Variants in UVRAG observed in about 807,000 individuals in gnomAD.
UVRAG encodes the protein UV radiation resistance-associated gene protein.
In UVRAG, 19 loss-of-function variants were observed where a neutral mutation model predicts 78.0. The ratio of observed to expected loss-of-function variants is 0.24; its 90% confidence interval spans 0.17 to 0.36. The LOEUF is 0.36. Ranked by LOEUF, UVRAG falls within the 10% of genes least tolerant of loss-of-function variation. The pLI is 1.00. For synonymous variants in UVRAG, 323 were observed against 324.6 expected, an observed-to-expected ratio of 1.00 and a Z score of 0.05; for missense variants, 740 against 853.8, an observed-to-expected ratio of 0.87 and a Z score of 1.66.
chr11:76,035,380 A>G (rs190186250), intron 12 of UVRAG, among the ~76,000 whole-genome samples: 152 of 152,308 alleles, frequency 1.0e-3, no homozygotes, highest in African/African-American at 3.2e-3. Flanking sequence ...CTATGAGAAA[A>G]TGATAGATAG....
chr11:75,903,150 C>T (rs1017464840), intron 5 of UVRAG, among the ~76,000 whole-genome samples: 1 of 151,994 alleles, frequency 6.6e-6, no homozygotes, highest in Non-Finnish European at 1.5e-5. Context: ...ACCATTGCCA[C>T]TGATGGATTT....
chr11:75,822,705 A>G (rs1945423121), intron 1 of UVRAG, among the ~76,000 whole-genome samples: 1 of 151,604 alleles, frequency 6.6e-6, no homozygotes, highest in African/African-American at 2.4e-5. Flanking sequence ...CACAGGATAC[A>G]GACGAGCAGC....
intron 1 of UVRAG, among the ~76,000 whole-genome samples, chr11:75,845,306 T>G (rs1946010230): frequency 6.6e-6 from 1 of 152,234 alleles, no homozygotes; most frequent in Admixed American, 6.5e-5. Flanking sequence ...AAGCTACCAC[T>G]GTAGTATAAT....
chr11:75,828,307 T>C (rs561605651), intron 1 of UVRAG, among the ~76,000 whole-genome samples: 1 of 152,212 alleles, frequency 6.6e-6, no homozygotes, highest in South Asian at 2.1e-4. Context: ...CATACACTTC[T>C]ATCAAAAACG....
intron 12 of UVRAG, among the ~76,000 whole-genome samples, chr11:76,018,402 T>G (rs1406130482): frequency 1.3e-5 from 2 of 152,116 alleles, no homozygotes; most frequent in Non-Finnish European, 2.9e-5. Context: ...CCACTGTGTT[T>G]TTTTTGTTGT....
chr11:75,971,756 G>A (rs1469526695), intron 7 of UVRAG, among the ~76,000 whole-genome samples: 1 of 151,980 alleles, frequency 6.6e-6, no homozygotes. Context: ...CACGATCCTG[G>A]TTCACTGAAA....
At chr11:75,894,614 C>T (rs988303267) in intron 5 of UVRAG, among the ~76,000 whole-genome samples, 1 of 151,938 alleles carries the variant, frequency 6.6e-6, no homozygotes, top group Admixed American at 6.6e-5. Context: ...AATCCCAGCA[C>T]TTTGGTCTCA....
chr11:75,881,057 G>T (rs188664428), intron 4 of UVRAG, among the ~76,000 whole-genome samples: 377 of 145,684 alleles, frequency 2.6e-3, no homozygotes, highest in Non-Finnish European at 4.4e-3. Flanking sequence ...GATCCTTTCC[G>T]CCTCAGCCTC....
At position 75,815,256 on chromosome 11, in the gene UVRAG, C is replaced by T; in HGVS notation, c.-152C>T. On this transcript the variant is annotated 5_prime_UTR_variant, in exon 1 of 15. Transcript: ENST00000356136. ...CCAGCGGCGGCAACGGCGGCAGCGG[C>T]GGCAGCGGCGGCGGCTACTGTCTGG... The T allele has an allele frequency of 2.2e-6, 1 of 461,712 alleles. No individual in the cohort carries two copies. Among genetic ancestry groups the T allele is most frequent in the Non-Finnish European group, 3.7e-6 (1 of 270,758 alleles). 28.6% of individuals were successfully genotyped at this position (461,712 alleles called of 1,614,324 possible). A position where few individuals can be genotyped will look rare whatever the true frequency, so the allele number is the denominator to read the frequency against.
At chr11:76,056,215 TCTTTCA>T (rs931471649) in intron 12 of UVRAG, among the ~76,000 whole-genome samples, 8 of 152,236 alleles carry the variant, frequency 5.3e-5, no homozygotes, top group Non-Finnish European at 1.2e-4. Flanking sequence ...ACATAAGGCT[TCTTTCA>T]CTTGGCATAT....
chr11:75,888,535 A>G (rs191527018), intron 4 of UVRAG, among the ~76,000 whole-genome samples: 311 of 152,322 alleles, frequency 2.0e-3, no homozygotes, highest in Non-Finnish European at 3.3e-3. Flanking sequence ...TGAATACCCT[A>G]TTGTTCAGGA....
chr11:76,122,335 C>T (rs765021421), intron 14 of UVRAG, among the ~76,000 whole-genome samples: 1 of 151,990 alleles, frequency 6.6e-6, no homozygotes, highest in Non-Finnish European at 1.5e-5. Context: ...GAAACAGTGG[C>T]CCAGTTAGGT....
intron 1 of UVRAG, among the ~76,000 whole-genome samples, chr11:75,850,824 A>G (rs1470955645): frequency 6.6e-6 from 1 of 152,246 alleles, no homozygotes; most frequent in African/African-American, 2.4e-5. Context: ...GAGGCTTTTC[A>G]TACTTAGAGG....
At chr11:76,076,399 G>A (rs974201620) in intron 13 of UVRAG, among the ~76,000 whole-genome samples, 1 of 152,168 alleles carries the variant, frequency 6.6e-6, no homozygotes, top group African/African-American at 2.4e-5. Context: ...AAGAGGGCGT[G>A]TGCAGGGGAA....
Position 75,961,434 on chromosome 11 carries a change from A to T in UVRAG, c.594-10A>T. On this transcript the variant is annotated splice_polypyrimidine_tract_variant and intron_variant, in intron 6 of 14. Transcript: ENST00000356136. The stretch of plus-strand genomic sequence containing the variant: ...ACTCATTTACATTTTTCTATAACTT[A>T]TATTTCTAGGCTTCATAGAGCCCAG... 6.3e-7 allele frequency: 1 copy of T among 1,579,448 alleles called. No individual in the cohort carries two copies. The highest frequency in any genetic ancestry group is 1.8e-4 in the Middle Eastern group (1 of 5,658).
intron 3 of UVRAG, among the ~76,000 whole-genome samples, chr11:75,873,416 T>C (rs1946694976): frequency 6.6e-6 from 1 of 151,842 alleles, no homozygotes; most frequent in Non-Finnish European, 1.5e-5. Context: ...GGGAAAACAA[T>C]AGCAAAAAAA....
At chr11:76,030,866 T>C (rs1340617296) in intron 12 of UVRAG, among the ~76,000 whole-genome samples, 1 of 152,150 alleles carries the variant, frequency 6.6e-6, no homozygotes, top group Admixed American at 6.6e-5. Context: ...AGAAATGAAG[T>C]TCTTTATATG....
rs1185644296 is a variant in UVRAG at position 75,833,087 on chromosome 11, GTCTT to G, written c.117+17565_117+17568del. ...CATTATCCTGTAGGTAGAGAGAACA[GTCTT>G]TATTTTATTTATTTTTATTTTTATT... On this transcript the variant is annotated intron_variant, in intron 1 of 14. Transcript: ENST00000356136. 2.6e-5 allele frequency among the ~76,000 whole-genome samples: 4 copies of G among 152,224 alleles called. No homozygotes were observed. In the South Asian group the frequency reaches 8.3e-4, roughly 32 times the overall value.
intron 5 of UVRAG, among the ~76,000 whole-genome samples, chr11:75,901,016 C>T (rs1036446229): frequency 3.2e-4 from 48 of 152,136 alleles, no homozygotes; most frequent in African/African-American, 1.1e-3. Context: ...AGTATCTGGG[C>T]TTCGTCAGAT....
Sources: allele counts gnomAD v4.1 joint callset (sites outside exome capture counted in the v4.1 genomes callset), GRCh38; gene constraint gnomAD v4.1.1; transcripts MANE v1.5; gene names NCBI Gene and HGNC (gene_info 2026-07-23, HGNC 2026-07-21).